LMF1: variants seen among roughly 807,000 people sequenced by gnomAD.
LMF1 encodes transmembrane protein 112.
Under a neutral mutation model 60.6 loss-of-function variants are expected in LMF1, and 68 were observed. The observed-to-expected ratio is 1.12, with a 90% CI of 0.92 to 1.37. The LOEUF is 1.37. Ranked by LOEUF, LMF1 falls within the 40% of genes most tolerant of loss-of-function variation. The pLI, the probability that LMF1 is intolerant of heterozygous loss-of-function variation, is 0.00. For missense variants in LMF1, 948 were observed against 767.2 expected (o/e 1.24, Z -2.78); for synonymous variants, 418 against 324.7 (o/e 1.29, Z -3.09).
chr16:922,648 A>G (rs113693358), intron 3 of LMF1, among the ~76,000 whole-genome samples: 18 of 135,902 alleles, frequency 1.3e-4, no homozygotes, highest in Admixed American at 2.9e-4. Context: ...CCTGTGTGAA[A>G]GTCGCCTGGG....
At chr16:950,798 AGAGTCAG>A (rs2072436349) in intron 2 of LMF1, among the ~76,000 whole-genome samples, 1 of 126,226 alleles carries the variant, frequency 7.9e-6, no homozygotes, top group Non-Finnish European at 1.7e-5. Flanking sequence ...AGCCAATGAC[AGAGTCAG>A]ACGACAGAGT....
intron 2 of LMF1, among the ~76,000 whole-genome samples, chr16:951,147 C>A (rs201890680): frequency 4.5e-5 from 4 of 88,838 alleles, no homozygotes; most frequent in Admixed American, 1.3e-4. Context: ...AGTCAGCCAA[C>A]GACAGAGTCA....
intron 5 of LMF1, among the ~76,000 whole-genome samples, chr16:892,183 C>T (rs372868603): frequency 6.6e-6 from 1 of 152,202 alleles, no homozygotes; most frequent in African/African-American, 2.4e-5. Context: ...TGGCAGAAAA[C>T]GCAAAGGCAG....
At chr16:891,761 C>T (rs1317644335) in intron 5 of LMF1, among the ~76,000 whole-genome samples, 4 of 152,200 alleles carry the variant, frequency 2.6e-5, no homozygotes, top group South Asian at 2.1e-4. Flanking sequence ...GGGCTGAGGG[C>T]GCTGGACCTT....
intron 3 of LMF1, 90 bp from the exon 4 acceptor site, chr16:911,169 G>T: frequency 1.4e-6 from 2 of 1,439,504 alleles, no homozygotes; most frequent in South Asian, 2.5e-5. Context: ...AATGGAAACG[G>T]TCCTTGAGAC....
chr16:924,750 T>C (rs979598558), intron 3 of LMF1, among the ~76,000 whole-genome samples: 12 of 152,150 alleles, frequency 7.9e-5, no homozygotes, highest in African/African-American at 2.7e-4. Flanking sequence ...AACCACTTTC[T>C]CCCAGAAAAA....
At chr16:890,159 C>T (rs1333977293) in intron 5 of LMF1, among the ~76,000 whole-genome samples, 1 of 152,224 alleles carries the variant, frequency 6.6e-6, no homozygotes, top group African/African-American at 2.4e-5. Context: ...GTATATGGGC[C>T]ATTCCTGCCC....
At chr16:942,256 A>G (rs2072119125) in intron 2 of LMF1, among the ~76,000 whole-genome samples, 1 of 152,262 alleles carries the variant, frequency 6.6e-6, no homozygotes, top group African/African-American at 2.4e-5. Flanking sequence ...TCCAGTGGTT[A>G]TAAGAAGCCA....
intron 3 of LMF1, among the ~76,000 whole-genome samples, chr16:918,334 G>C (rs909678032): frequency 3.3e-5 from 5 of 152,344 alleles, no homozygotes; most frequent in Admixed American, 2.0e-4. Context: ...CTGTGGCTCA[G>C]CTCTGTGCAG....
chr16:868,227 TCAGATCCCCTCCCGTACCCCAG>T (rs2069668065), intron 10 of LMF1, among the ~76,000 whole-genome samples: 1 of 151,672 alleles, frequency 6.6e-6, no homozygotes, highest in Non-Finnish European at 1.5e-5. Context: ...CACACTGTCC[TCAGATCCCCTCCCGTACCCCAG>T]CGGGGCCCCA....
chr16:918,770 G>A (rs2071346746), intron 3 of LMF1, among the ~76,000 whole-genome samples: 1 of 152,238 alleles, frequency 6.6e-6, no homozygotes, highest in Non-Finnish European at 1.5e-5. Context: ...TCACTTGGAT[G>A]TGAATTTAAG....
chr16:959,438 C>T (rs1239260513), intron 1 of LMF1, among the ~76,000 whole-genome samples: 4 of 152,036 alleles, frequency 2.6e-5, no homozygotes, highest in Non-Finnish European at 2.9e-5. Context: ...CTCCCATGCA[C>T]GGGGGACTTG....
At chr16:886,539 C>G (rs375025696) in intron 5 of LMF1, among the ~76,000 whole-genome samples, 23 of 148,490 alleles carry the variant, frequency 1.5e-4, no homozygotes, top group Admixed American at 6.7e-5. Context: ...ACCCGAGACC[C>G]CCGACATTCC....
intron 2 of LMF1, among the ~76,000 whole-genome samples, chr16:949,210 GACAGAGTCAGCCAACA>G (rs1392383642): frequency 5.4e-5 from 8 of 147,914 alleles, no homozygotes; most frequent in Non-Finnish European, 1.0e-4. Flanking sequence ...GTCAGCCAAC[GACAGAGTCAGCCAACA>G]ACAGAGTCAG....
chr16:875,565 CG>C (rs1328775122), intron 6 of LMF1, among the ~76,000 whole-genome samples: 5 of 152,100 alleles, frequency 3.3e-5, no homozygotes, highest in Non-Finnish European at 5.9e-5. Context: ...ATCAGCTTAT[CG>C]GGAGAGGGGC....
chr16:919,406 C>T (rs112878843), intron 3 of LMF1, among the ~76,000 whole-genome samples: 1,879 of 152,254 alleles, frequency 0.012, 22 homozygotes, highest in South Asian at 0.096. Flanking sequence ...ATGGTGGACA[C>T]ACACAGCTCC....
chr16:952,855 C>G (rs1458377076), intron 2 of LMF1, among the ~76,000 whole-genome samples: 7 of 127,908 alleles, frequency 5.5e-5, no homozygotes, highest in African/African-American at 1.2e-4. Context: ...ACACAGACAC[C>G]CACCCCAAAC....
intron 2 of LMF1, among the ~76,000 whole-genome samples, chr16:944,317 G>A (rs571742521): frequency 1.3e-5 from 2 of 152,154 alleles, no homozygotes; most frequent in Admixed American, 6.5e-5. Context: ...CACTCTCCAC[G>A]TTCACAGCTT....
At chr16:858,682 T>C (rs202041380) in intron 10 of LMF1, among the ~76,000 whole-genome samples, 1 of 60,530 alleles carries the variant, frequency 1.7e-5, no homozygotes, top group Non-Finnish European at 3.1e-5. Flanking sequence ...GGGACGGGTG[T>C]GAGTGGTGTC....
Sources: allele counts gnomAD v4.1 joint callset (sites outside exome capture counted in the v4.1 genomes callset), GRCh38; gene constraint gnomAD v4.1.1; transcripts MANE v1.5; gene names NCBI Gene and HGNC (gene_info 2026-07-23, HGNC 2026-07-21).